The following ESRRG variants were observed in gnomAD, a reference collection of about 807,000 sequenced individuals.
ESRRG encodes estrogen related receptor gamma.
In ESRRG, 13 loss-of-function variants were observed where a neutral mutation model predicts 44.0. The observed-to-expected ratio is 0.30, with a 90% confidence interval of 0.19 to 0.47. ESRRG has a LOEUF of 0.47. Ranked by LOEUF, ESRRG falls within the 20% of genes least tolerant of loss-of-function variation. ESRRG has a pLI of 1.00. For synonymous variants in ESRRG, 215 were observed against 214.6 expected (o/e 1.00, Z -0.02); for missense variants, 395 against 580.6 (o/e 0.68, Z 3.29).
chr1:216,784,409 T>C (rs1364793837), intron 2 of ESRRG, among the ~76,000 whole-genome samples: 1 of 152,052 alleles, frequency 6.6e-6, no homozygotes, highest in Non-Finnish European at 1.5e-5. Context: ...TCATGAGTCA[T>C]AGTAAAAGAA....
intron 1 of ESRRG, among the ~76,000 whole-genome samples, chr1:216,991,062 C>T (rs2075616174): frequency 6.6e-6 from 1 of 151,992 alleles, no homozygotes; most frequent in Non-Finnish European, 1.5e-5. Context: ...TCAGCAGTGG[C>T]ATTAGATTCT....
chr1:216,813,615 T>C (rs2095043112), intron 2 of ESRRG, among the ~76,000 whole-genome samples: 1 of 152,174 alleles, frequency 6.6e-6, no homozygotes, highest in South Asian at 2.1e-4. Context: ...TGAGCAATGT[T>C]TGGAAGTCAT....
At chr1:216,602,771 C>T (rs143361182) in intron 3 of ESRRG, among the ~76,000 whole-genome samples, 28 of 152,304 alleles carry the variant, frequency 1.8e-4, no homozygotes, top group Non-Finnish European at 3.7e-4. Context: ...TTTAACCGAA[C>T]ACTGAAATGA....
chr1:216,625,119 G>A (rs2062946632), intron 3 of ESRRG, among the ~76,000 whole-genome samples: 1 of 152,078 alleles, frequency 6.6e-6, no homozygotes, highest in African/African-American at 2.4e-5. Context: ...CAATGAAACT[G>A]TCTCCTCTTT....
At chr1:217,108,470 C>T (rs1301868973) in intron 1 of ESRRG, among the ~76,000 whole-genome samples, 1 of 152,072 alleles carries the variant, frequency 6.6e-6, no homozygotes, top group South Asian at 2.1e-4. Flanking sequence ...GGATGCTTGT[C>T]CCCACCCAAA....
chr1:217,077,881 C>T (rs1247594546), intron 1 of ESRRG, among the ~76,000 whole-genome samples: 1 of 152,034 alleles, frequency 6.6e-6, no homozygotes, highest in Non-Finnish European at 1.5e-5. Flanking sequence ...AGTTTAATGC[C>T]CACAGTAATT....
chr1:217,036,434 T>C (rs2082909459), intron 1 of ESRRG, among the ~76,000 whole-genome samples: 2 of 152,196 alleles, frequency 1.3e-5, no homozygotes, highest in South Asian at 4.1e-4. Context: ...AATGGTAGAC[T>C]GCATAAAGAA....
intron 1 of ESRRG, among the ~76,000 whole-genome samples, chr1:216,704,266 C>G (rs1172477843): frequency 3.9e-5 from 6 of 152,180 alleles, no homozygotes; most frequent in African/African-American, 1.4e-4. Flanking sequence ...GTAATCCCAA[C>G]ACTTTGGAAG....
intron 2 of ESRRG, among the ~76,000 whole-genome samples, chr1:216,655,862 T>C (rs1370494209): frequency 6.6e-6 from 1 of 152,198 alleles, no homozygotes; most frequent in Admixed American, 6.6e-5. Context: ...AAGTCTTTGA[T>C]CCATGTTAGA....
chr1:216,792,578 C>T (rs1016136160), intron 2 of ESRRG, among the ~76,000 whole-genome samples: 1 of 152,162 alleles, frequency 6.6e-6, no homozygotes, highest in Admixed American at 6.5e-5. Context: ...AGGAAGAATG[C>T]ATACAGGCTC....
At chr1:217,120,628 C>T (rs1469675138) in intron 1 of ESRRG, among the ~76,000 whole-genome samples, 3 of 152,140 alleles carry the variant, frequency 2.0e-5, no homozygotes, top group Non-Finnish European at 4.4e-5. Context: ...CCATCCACAG[C>T]CCCATTGAAC....
At chr1:217,133,645 C>CTCTCTCTTTCTTTCTTTCTTTCTTTCTT (rs1266397788) in intron 1 of ESRRG, among the ~76,000 whole-genome samples, 58 of 91,732 alleles carry the variant, frequency 6.3e-4, no homozygotes, top group Non-Finnish European at 7.6e-4. Context: ...CTCTCTCTCT[C>CTCTCTCTTTCTTTCTTTCTTTCTTTCTT]TCTTTCTTTC....
At chr1:216,847,229 G>T (rs1441448489) in intron 2 of ESRRG, among the ~76,000 whole-genome samples, 2 of 151,826 alleles carry the variant, frequency 1.3e-5, no homozygotes, top group African/African-American at 4.8e-5. Flanking sequence ...ATGTGTGAGG[G>T]TATAAATGAC....
intron 1 of ESRRG, among the ~76,000 whole-genome samples, chr1:216,722,407 T>C (rs536910792): frequency 1.5e-5 from 2 of 129,064 alleles, no homozygotes; most frequent in South Asian, 5.8e-4. Context: ...TACCCCCTAC[T>C]CACTCCCCCC....
intron 2 of ESRRG, among the ~76,000 whole-genome samples, chr1:216,656,951 G>A (rs1457628826): frequency 6.6e-6 from 1 of 152,150 alleles, no homozygotes; most frequent in Non-Finnish European, 1.5e-5. Flanking sequence ...ATTTGCCTCA[G>A]TACACAATTA....
chr1:216,514,064 A>G (rs2043477624), intron 6 of ESRRG, among the ~76,000 whole-genome samples: 1 of 152,132 alleles, frequency 6.6e-6, no homozygotes, highest in East Asian at 1.9e-4. Flanking sequence ...ATACCTTTGG[A>G]AGGCCAAAGC....
At chr1:216,712,238 A>G (rs1296327361) in intron 1 of ESRRG, among the ~76,000 whole-genome samples, 1 of 152,210 alleles carries the variant, frequency 6.6e-6, no homozygotes, top group Non-Finnish European at 1.5e-5. Flanking sequence ...AGTGTTTACT[A>G]TATGGTCCCC....
At chr1:216,676,704 T>C (rs1411791809) in intron 2 of ESRRG, among the ~76,000 whole-genome samples, 2 of 152,164 alleles carry the variant, frequency 1.3e-5, no homozygotes, top group Admixed American at 1.3e-4. Context: ...TCTAAAGTAT[T>C]TATTATTTCC....
At chr1:216,908,343 A>G (rs1417481418) in intron 2 of ESRRG, among the ~76,000 whole-genome samples, 1 of 152,196 alleles carries the variant, frequency 6.6e-6, no homozygotes, top group East Asian at 1.9e-4. Flanking sequence ...ATTACAGAGC[A>G]TGTCCACCTT....
Sources: gnomAD v4.1 joint callset for allele counts (sites outside exome capture counted in the v4.1 genomes callset) on GRCh38, gnomAD v4.1.1 for gene constraint, MANE v1.5 for transcripts, NCBI Gene and HGNC (gene_info 2026-07-23, HGNC 2026-07-21) for gene names.